AP1S3: variants seen among roughly 807,000 people sequenced by gnomAD.
AP1S3 encodes adaptor related protein complex 1 subunit sigma 3, also known as AP-1 complex subunit sigma-3.
In AP1S3, 10 loss-of-function variants were observed where a neutral mutation model predicts 20.9. The ratio of observed to expected loss-of-function variants is 0.48; its 90% CI spans 0.29 to 0.81. AP1S3 has a LOEUF of 0.81. Ranked by LOEUF, AP1S3 falls within the 30% of genes least tolerant of loss-of-function variation. AP1S3 has a pLI of 0.08. For missense variants in AP1S3, 154 were observed against 183.8 expected (o/e 0.84, Z 0.94); for synonymous variants, 41 against 61.5 (o/e 0.67, Z 1.56).
chr2:223,769,984 T>C (rs1389331653), intron 3 of AP1S3, among the ~76,000 whole-genome samples: 1 of 152,028 alleles, frequency 6.6e-6, no homozygotes, highest in Non-Finnish European at 1.5e-5. Context: ...GACCTCGTGA[T>C]CCACCCGCCT....
intron 1 of AP1S3, among the ~76,000 whole-genome samples, chr2:223,818,938 C>T (rs1017249377): frequency 3.3e-5 from 5 of 152,188 alleles, no homozygotes; most frequent in Non-Finnish European, 5.9e-5. Context: ...ATTATAGATT[C>T]AAGCTTCAGG....
At chr2:223,776,445 C>T (rs78641374) in intron 2 of AP1S3, among the ~76,000 whole-genome samples, 10,975 of 152,272 alleles carry the variant, frequency 0.072, 567 homozygotes, top group East Asian at 0.17. Flanking sequence ...CTCAATTTGT[C>T]AAACTCCAAC....
Position 223,770,497 on chromosome 2 carries a change from TACACACAC to T in AP1S3, c.292-5155_292-5148del, listed in dbSNP as rs58486635. ...GTGGTATTCAGAGTTAGAGAGACAA[TACACACAC>T]ACACACACACACACACACACACACA... On this transcript the variant is annotated intron_variant, in intron 3 of 4. Transcript: ENST00000396654. Among the ~76,000 whole-genome samples the T allele has an allele frequency of 2.7e-3, 381 of 141,736 alleles. 3 individuals are homozygous for T. Among genetic ancestry groups the T allele is most frequent in the African/African-American group, 9.6e-3 (359 of 37,500 alleles). The allele number at this position is 141,736 out of a possible 152,430, so 93.0% of individuals were successfully genotyped here. A position where few individuals can be genotyped will look rare whatever the true frequency, so the allele number is the denominator to read the frequency against.
In AP1S3 at chr2:223,775,770, G is replaced by A. The variant is rs56355120; in HGVS notation, c.291+131C>T. The stretch of plus-strand genomic sequence containing the variant: ...TGTATTCTAATCTTAGGGGGACTAA[G>A]GTGATCTTCGGTTCAAGTTCAATTC... On this transcript the variant is annotated intron_variant, in intron 3 of 4. Transcript: ENST00000396654. 2.9e-3 allele frequency: 2,025 copies of A among 688,552 alleles called. 8 individuals are homozygous for A. The highest frequency in any genetic ancestry group is 3.8e-3 in the Non-Finnish European group (1,509 of 398,860). The allele number at this position is 688,552 out of a possible 1,614,324, so 42.7% of individuals were successfully genotyped here.
intron 1 of AP1S3, among the ~76,000 whole-genome samples, chr2:223,811,574 AAAAAAAAG>A (rs1438693838): frequency 1.3e-5 from 2 of 151,634 alleles, no homozygotes; most frequent in African/African-American, 2.4e-5. Flanking sequence ...ATTTCAAAAA[AAAAAAAAG>A]AAAAAAAGAA....
At position 223,780,355 on chromosome 2, in the gene AP1S3, A is replaced by AGTGTGT. The variant is rs1559280876; in HGVS notation, c.4-2487_4-2486insACACAC. 3.8e-4 allele frequency among the ~76,000 whole-genome samples: 21 copies of AGTGTGT among 54,974 alleles called. No individual in the cohort carries two copies. The South Asian group carries it at 4.8e-3, about 12-fold the overall frequency. The allele number at this position is 54,974 out of a possible 152,430, so 36.1% of individuals were successfully genotyped here. A position where few individuals can be genotyped will look rare whatever the true frequency, so the allele number is the denominator to read the frequency against. ...GAGAGAGAGAGAGAGAGAGAGAGAG[A>AGTGTGT]GAGTGTGTGTGTGTGTGTGTGTGTG... is the stretch of plus-strand genomic sequence containing the variant. On this transcript the variant is annotated intron_variant, in intron 1 of 4. Transcript: ENST00000396654.
At chr2:223,814,027 A>T (rs1691792384) in intron 1 of AP1S3, among the ~76,000 whole-genome samples, 1 of 152,252 alleles carries the variant, frequency 6.6e-6, no homozygotes, top group South Asian at 2.1e-4. Flanking sequence ...TAAATGACAC[A>T]TTCATTAACT....
In AP1S3 at chr2:223,776,330, T is replaced by C. The variant is rs142131758; in HGVS notation, c.183-321A>G. On this transcript the variant is annotated intron_variant, in intron 2 of 4. Coordinates refer to ENST00000396654, the MANE Select transcript of AP1S3 (RefSeq NM_001039569.2). ...TTCACACCCCTCTCCAGCTTGTCAA[T>C]TGTTTTTTGTAAAATAGAAAGCCCT... Among the ~76,000 whole-genome samples the C allele has an allele frequency of 2.7e-3, 405 of 152,292 alleles. 3 individuals carry two copies. The highest frequency in any genetic ancestry group is 9.2e-3 in the African/African-American group (381 of 41,570).
intron 3 of AP1S3, among the ~76,000 whole-genome samples, chr2:223,767,477 A>G (rs1690512370): frequency 6.6e-6 from 1 of 151,844 alleles, no homozygotes; most frequent in South Asian, 2.1e-4. Context: ...TCTCTACTGC[A>G]TGTTGCTTAT....
chr2:223,796,644 T>C (rs1477912945), intron 1 of AP1S3, among the ~76,000 whole-genome samples: 1 of 152,080 alleles, frequency 6.6e-6, no homozygotes, highest in Admixed American at 6.6e-5. Context: ...TTTTCACTTA[T>C]GGGTGTGTAT....
intron 4 of AP1S3, among the ~76,000 whole-genome samples, chr2:223,763,677 T>C (rs918978337): frequency 1.3e-5 from 2 of 152,216 alleles, no homozygotes; most frequent in Non-Finnish European, 2.9e-5. Flanking sequence ...CAGACACCTC[T>C]GGTAATGAAT....
intron 1 of AP1S3, among the ~76,000 whole-genome samples, chr2:223,778,087 T>C (rs1030256772): frequency 1.3e-5 from 2 of 152,082 alleles, no homozygotes; most frequent in Non-Finnish European, 2.9e-5. Context: ...ACTTTTATTA[T>C]AGGAGAAAAA....
intron 1 of AP1S3, among the ~76,000 whole-genome samples, chr2:223,814,348 G>A (rs947756081): frequency 6.6e-6 from 1 of 152,096 alleles, no homozygotes; most frequent in Non-Finnish European, 1.5e-5. Context: ...TGCCTTTCAC[G>A]TTCTGTTCTG....
chr2:223,828,194 C>T (rs1034048897), intron 1 of AP1S3, among the ~76,000 whole-genome samples: 1 of 151,650 alleles, frequency 6.6e-6, no homozygotes, highest in Non-Finnish European at 1.5e-5. Flanking sequence ...TCTTATTCCA[C>T]GCTCAGGTGA....
chr2:223,831,250 C>T (rs187290571), intron 1 of AP1S3, among the ~76,000 whole-genome samples: 7 of 152,262 alleles, frequency 4.6e-5, no homozygotes, highest in Admixed American at 2.0e-4. Flanking sequence ...CTCATCTCAG[C>T]CTCTCAAATA....
At chr2:223,824,999 T>C (rs951634282) in intron 1 of AP1S3, among the ~76,000 whole-genome samples, 2 of 151,892 alleles carry the variant, frequency 1.3e-5, no homozygotes, top group South Asian at 2.1e-4. Context: ...AGGGTGGAGA[T>C]GGAAGTGTCA....
At chr2:223,801,333 A>T (rs1250403898) in intron 1 of AP1S3, among the ~76,000 whole-genome samples, 1 of 152,220 alleles carries the variant, frequency 6.6e-6, no homozygotes, top group African/African-American at 2.4e-5. Flanking sequence ...CATTCTCTTA[A>T]CAGCAATGCA....
At chr2:223,786,379 C>A (rs1474346271) in intron 1 of AP1S3, among the ~76,000 whole-genome samples, 1 of 152,138 alleles carries the variant, frequency 6.6e-6, no homozygotes, top group Non-Finnish European at 1.5e-5. Context: ...GTTTAGGTTT[C>A]ATTCACATTA....
intron 1 of AP1S3, among the ~76,000 whole-genome samples, chr2:223,812,855 A>G (rs1691765374): frequency 6.6e-6 from 1 of 152,172 alleles, no homozygotes; most frequent in Admixed American, 6.5e-5. Context: ...AGGAACTCAA[A>G]ATTGTCAATA....
Sources: allele counts gnomAD v4.1 joint callset (sites outside exome capture counted in the v4.1 genomes callset), GRCh38; gene constraint gnomAD v4.1.1; transcripts MANE v1.5; gene names NCBI Gene and HGNC (gene_info 2026-07-23, HGNC 2026-07-21).